Variants in MYO1F observed in about 807,000 individuals in gnomAD.
The protein encoded by MYO1F is unconventional myosin-If.
A neutral mutation model predicts 146.6 loss-of-function variants in MYO1F; 60 were observed. The observed-to-expected ratio is 0.41, with a 90% confidence interval of 0.33 to 0.51. MYO1F has a LOEUF of 0.51. MYO1F is among the 20% of genes least tolerant of loss of function. The pLI, the probability that MYO1F is intolerant of heterozygous loss-of-function variation, is 0.25. For synonymous variants in MYO1F, 602 were observed against 602.1 expected, an observed-to-expected ratio of 1.00 and a Z score of 0.00; for missense variants, 1,274 against 1,534.3, an observed-to-expected ratio of 0.83 and a Z score of 2.83.
chr19:8,557,396 A>G (rs1171409918), intron 1 of MYO1F, among the ~76,000 whole-genome samples: 1 of 152,154 alleles, frequency 6.6e-6, no homozygotes, highest in Non-Finnish European at 1.5e-5. Context: ...TCCTGGGCTC[A>G]AGCAATCCTT....
chr19:8,553,868 TCACACACACACA>T lies in MYO1F; in HGVS notation c.327-443_327-432del, dbSNP rs374157870. On this transcript the variant is annotated intron_variant, in intron 4 of 27. Transcript: ENST00000644032. The stretch of plus-strand genomic sequence containing the variant: ...GCCTGGGTGACAGACTGAGACTCTG[TCACACACACACA>T]CACACACACACACACTCTCTCTCTC... Among the ~76,000 whole-genome samples the T allele has an allele frequency of 9.0e-3, 1,093 of 121,564 alleles. 16 individuals are homozygous for T. Among genetic ancestry groups the T allele is most frequent in the African/African-American group, 0.035 (1,034 of 29,186 alleles). The allele number at this position is 121,564 out of a possible 152,430, so 79.8% of individuals were successfully genotyped here. A position where few individuals can be genotyped will look rare whatever the true frequency, so the allele number is the denominator to read the frequency against.
At chr19:8,566,617 G>A (rs1483589108) in intron 1 of MYO1F, among the ~76,000 whole-genome samples, 3 of 148,566 alleles carry the variant, frequency 2.0e-5, no homozygotes, top group Admixed American at 6.6e-5. Flanking sequence ...TGGCTCAAGC[G>A]ATTCTCCTGC....
In MYO1F at chr19:8,544,903, G is replaced by A. The variant is rs771666176; in HGVS notation, c.1357-439C>T. 1.2e-4 allele frequency among the ~76,000 whole-genome samples: 18 copies of A among 152,118 alleles called. No individual in the cohort carries two copies. In the East Asian group the frequency reaches 3.5e-3, roughly 29 times the overall value. ...TGATTCTCCTGCTTCAGCCTCCTGA[G>A]TAGCTGGGATTACAGGCATGCCGCC... On this transcript the variant is annotated intron_variant, in intron 13 of 27. Coordinates refer to ENST00000644032, the MANE Select transcript of MYO1F (RefSeq NM_012335.4).
At chr19:8,565,933 A>AG in intron 1 of MYO1F, among the ~76,000 whole-genome samples, 1 of 151,794 alleles carries the variant, frequency 6.6e-6, no homozygotes, top group East Asian at 1.9e-4. Flanking sequence ...CTGCAAAAAA[A>AG]AATAAAAAAT....
chr19:8,522,257 C>T (rs541274339), intron 27 of MYO1F, 120 bp downstream of exon 27: 195 of 1,254,584 alleles, frequency 1.6e-4, no homozygotes, highest in Admixed American at 2.4e-4. Flanking sequence ...CTCCTGACCT[C>T]GTGATCTGCC....
intron 10 of MYO1F, among the ~76,000 whole-genome samples, chr19:8,548,549 C>T (rs1423097204): frequency 6.6e-6 from 1 of 152,060 alleles, no homozygotes; most frequent in East Asian, 1.9e-4. Flanking sequence ...GTCCCTGACT[C>T]CAGAGCTGAC....
chr19:8,532,010 C>T (rs538076461), intron 19 of MYO1F, among the ~76,000 whole-genome samples: 27 of 152,054 alleles, frequency 1.8e-4, no homozygotes, highest in African/African-American at 5.3e-4. Context: ...CCCAGCTACT[C>T]GGGAGGCTGA....
chr19:8,563,146 C>G (rs1316268441), intron 1 of MYO1F, among the ~76,000 whole-genome samples: 3 of 151,896 alleles, frequency 2.0e-5, no homozygotes, highest in Non-Finnish European at 4.4e-5. Flanking sequence ...CACCTGCCAC[C>G]ATGCCTGGCT....
chr19:8,569,533 G>C (rs958446597), intron 1 of MYO1F, among the ~76,000 whole-genome samples: 7 of 152,004 alleles, frequency 4.6e-5, no homozygotes, highest in African/African-American at 1.7e-4. Context: ...CACACTTCCT[G>C]GGCCCCTACT....
chr19:8,552,218 G>T, intron 6 of MYO1F, 54 bp from the exon 7 acceptor site: 1 of 1,604,814 alleles, frequency 6.2e-7, no homozygotes, highest in African/African-American at 1.3e-5. Flanking sequence ...GCAGGTGGGG[G>T]AAGGGTTGGG....
In MYO1F at chr19:8,541,931, T is replaced by C. The variant is rs1972992435; in HGVS notation, c.1585A>G (p.Ile529Val). ...RNRDVLFSDL[I>V]ELMQTSEQAF... ...TGCTCACTGGTCTGCATCAGCTCTA[T>C]GAGGTCGGAGAAGAGAACGTCTCGG... is the stretch of plus-strand genomic sequence containing the variant. The change falls in exon 15 of 28, where the codon ATA becomes GTA. Residue 529 changes from isoleucine to valine, a missense_variant. This residue lies in a region of MYO1F where 900 missense variants were observed against 1,155.1 expected (regional missense o/e 0.78). Transcript: ENST00000644032. 1.9e-6 allele frequency: 3 copies of C among 1,613,480 alleles called. No homozygotes were observed. Among genetic ancestry groups the C allele is most frequent in the Non-Finnish European group, 2.5e-6 (3 of 1,179,990 alleles).
In MYO1F at chr19:8,525,507, A is replaced by T; in HGVS notation, c.2826T>A (p.Pro942=). ...TGGGGGGCGCAGGGGCCGCCCGGGTAGGGGCTTGGGACGACCTCCGAGGTT... is the reference window on the plus strand; with the variant it reads ...TGGGGGGCGCAGGGGCCGCCCGGGTTGGGGCTTGGGACGACCTCCGAGGTT... ...KGKPRRSSQA[P]TRAAPAPPRG... Residue 942 remains proline, a synonymous_variant, in exon 25 of 28, where the codon CCT becomes CCA. Transcript: ENST00000644032. 1 of 1,613,524 alleles carries T rather than the reference A, an allele frequency of 6.2e-7. No homozygotes were observed. The highest frequency in any genetic ancestry group is 8.5e-7 in the Non-Finnish European group (1 of 1,179,960).
rs542264964 is a variant in MYO1F at position 8,528,153 on chromosome 19, A to G, written c.2329-670T>C. ...AGGAGAATCGCTTGAACCCAGGAGG[A>G]TGAGGTTGCAGTGAGCCGAGATCCT... On this transcript the variant is annotated intron_variant, in intron 21 of 27. Coordinates refer to ENST00000644032, the MANE Select transcript of MYO1F (RefSeq NM_012335.4). 2.6e-5 allele frequency among the ~76,000 whole-genome samples: 4 copies of G among 151,548 alleles called. No individual in the cohort carries two copies. The East Asian group carries it at 7.8e-4, about 30-fold the overall frequency.
In MYO1F at chr19:8,561,372, C is replaced by T. The variant is rs868745321; in HGVS notation, c.4-5576G>A. ...GAATTCCCTCCCTCCCTCCCTCCCT[C>T]CCTCCCTTCCCCCCTTCTTTCCTTC... On this transcript the variant is annotated intron_variant, in intron 1 of 27. Coordinates refer to ENST00000644032, the MANE Select transcript of MYO1F (RefSeq NM_012335.4). Among the ~76,000 whole-genome samples, 94 of 96,802 alleles carry T rather than the reference C, an allele frequency of 9.7e-4. 1 individual carries two copies. Among genetic ancestry groups the T allele is most frequent in the South Asian group, 6.5e-3 (14 of 2,144 alleles). The allele number at this position is 96,802 out of a possible 152,430, so 63.5% of individuals were successfully genotyped here. A position where few individuals can be genotyped will look rare whatever the true frequency, so the allele number is the denominator to read the frequency against.
intron 6 of MYO1F, among the ~76,000 whole-genome samples, 160 bp downstream of exon 6, chr19:8,552,979 A>G (rs1044050051): frequency 2.0e-5 from 3 of 152,172 alleles, no homozygotes; most frequent in African/African-American, 7.2e-5. Flanking sequence ...GAAAGGGACC[A>G]TGAGCAGGAA....
chr19:8,523,428 G>A (rs1972144715), intron 25 of MYO1F, among the ~76,000 whole-genome samples: 2 of 152,006 alleles, frequency 1.3e-5, no homozygotes, highest in South Asian at 4.1e-4. Context: ...CTGCAACTCT[G>A]ACCTCCTGGG....
intron 4 of MYO1F, 96 bp downstream of exon 4, chr19:8,554,381 T>G: frequency 1.0e-6 from 1 of 985,532 alleles, no homozygotes; most frequent in African/African-American, 1.6e-5. Context: ...AGGGCAATGT[T>G]CAGATTGGGA....
intron 1 of MYO1F, among the ~76,000 whole-genome samples, chr19:8,569,718 T>C (rs183755029): frequency 1.3e-5 from 2 of 152,170 alleles, no homozygotes; most frequent in Admixed American, 1.3e-4. Flanking sequence ...ACATGAACTT[T>C]CCAGGCAGCA....
At chr19:8,548,447 C>G in intron 10 of MYO1F, 130 bp from the exon 11 acceptor site, 1 of 800,730 alleles carries the variant, frequency 1.2e-6, no homozygotes, top group East Asian at 2.7e-5. Context: ...CCCTCCAGCC[C>G]TCTTTAGCTC....
Sources: allele counts gnomAD v4.1 joint callset (sites outside exome capture counted in the v4.1 genomes callset), GRCh38; gene constraint gnomAD v4.1.1; regional missense constraint gnomAD v4.1.1; transcripts MANE v1.5; gene names NCBI Gene and HGNC (gene_info 2026-07-23, HGNC 2026-07-21).